Variants in EIF4G3 observed in about 807,000 individuals in gnomAD.
EIF4G3 encodes eIF-4-gamma 3.
In EIF4G3, 34 loss-of-function variants were observed where a neutral mutation model predicts 186.4. That is an observed-to-expected ratio of 0.18 (90% CI 0.14 to 0.24). EIF4G3 has a LOEUF of 0.24. Among genes scored for constraint, EIF4G3 ranks in the 10% least tolerant of loss-of-function variants. The pLI is 1.00. For missense variants in EIF4G3, 1,536 were observed against 1,948.5 expected (o/e 0.79, Z 3.99); for synonymous variants, 673 against 679.5 (o/e 0.99, Z 0.15).
intron 14 of EIF4G3, among the ~76,000 whole-genome samples, chr1:20,921,190 G>A (rs2094470996): frequency 6.6e-6 from 1 of 152,048 alleles, no homozygotes; most frequent in Admixed American, 6.5e-5. Flanking sequence ...TACCTATTTT[G>A]TGCAGAGAAC....
In EIF4G3 at chr1:21,107,486, T is replaced by C. The variant is rs1255725583; in HGVS notation, c.-271-18273A>G. Among the ~76,000 whole-genome samples, 6 of 152,262 alleles carry C rather than the reference T, an allele frequency of 3.9e-5. No homozygotes were observed. In the East Asian group the frequency reaches 1.2e-3, roughly 29 times the overall value. On this transcript the variant is annotated intron_variant, in intron 2 of 36. Transcript: ENST00000602326. ...CGGGCCCAACCTGAAAACTATCCAA[T>C]TTTTAAAAATAGCTTAGCATTTACA... is the stretch of plus-strand genomic sequence containing the variant.
intron 7 of EIF4G3, among the ~76,000 whole-genome samples, chr1:20,983,071 T>C (rs2078653558): frequency 6.6e-6 from 1 of 152,200 alleles, no homozygotes; most frequent in African/African-American, 2.4e-5. Flanking sequence ...TATTTTGTCC[T>C]ACTCTTAGGC....
chr1:20,959,152 T>C (rs1301784156), intron 12 of EIF4G3, among the ~76,000 whole-genome samples: 2 of 152,096 alleles, frequency 1.3e-5, no homozygotes, highest in Non-Finnish European at 2.9e-5. Flanking sequence ...TACAAGGTTA[T>C]AGTTAACAAA....
intron 34 of EIF4G3, among the ~76,000 whole-genome samples, chr1:20,815,289 G>GA (rs1177432801): frequency 1.9e-5 from 2 of 103,252 alleles, no homozygotes; most frequent in African/African-American, 7.0e-5. Flanking sequence ...GCCCAGTCTG[G>GA]AAAGTGAGGA....
At chr1:20,825,556 A>G (rs1053280561) in intron 32 of EIF4G3, among the ~76,000 whole-genome samples, 13 of 152,234 alleles carry the variant, frequency 8.5e-5, no homozygotes, top group African/African-American at 3.1e-4. Flanking sequence ...TAATTGAAGT[A>G]CAGCTGCTTA....
intron 2 of EIF4G3, among the ~76,000 whole-genome samples, chr1:21,124,277 C>A (rs1309684762): frequency 1.4e-5 from 2 of 140,542 alleles, no homozygotes; most frequent in Non-Finnish European, 1.6e-5. Context: ...AAGAGCGAGA[C>A]TCGGTCTCAA....
intron 12 of EIF4G3, among the ~76,000 whole-genome samples, chr1:20,958,677 A>G (rs185163048): frequency 6.6e-6 from 1 of 152,324 alleles, no homozygotes; most frequent in African/African-American, 2.4e-5. Flanking sequence ...AGACTCCTAG[A>G]TTTGATAAAT....
At chr1:21,071,341 G>A (rs1025705096) in intron 3 of EIF4G3, among the ~76,000 whole-genome samples, 8 of 152,054 alleles carry the variant, frequency 5.3e-5, no homozygotes, top group African/African-American at 1.9e-4. Flanking sequence ...GAGCCCAGGA[G>A]TTCAAAGTTA....
At chr1:20,911,399 C>CAAAAAATT (rs1553280990) in intron 14 of EIF4G3, among the ~76,000 whole-genome samples, 1 of 151,368 alleles carries the variant, frequency 6.6e-6, no homozygotes, top group Non-Finnish European at 1.5e-5. Context: ...GAGACCTCTA[C>CAAAAAATT]AAAAAATTAA....
At chr1:20,859,099 A>G (rs1313782523) in intron 24 of EIF4G3, among the ~76,000 whole-genome samples, 1 of 152,212 alleles carries the variant, frequency 6.6e-6, no homozygotes, top group African/African-American at 2.4e-5. Context: ...TCTCCGTGCT[A>G]TCTGATATTA....
chr1:21,023,909 C>T (rs2091464655), intron 4 of EIF4G3, among the ~76,000 whole-genome samples: 2 of 137,166 alleles, frequency 1.5e-5, no homozygotes, highest in Admixed American at 7.2e-5. Context: ...TCTGCCCCGC[C>T]GCCCCATCTG....
chr1:20,854,446 G>A (rs1157039639), intron 26 of EIF4G3, among the ~76,000 whole-genome samples: 3 of 151,304 alleles, frequency 2.0e-5, no homozygotes, highest in African/African-American at 7.3e-5. Context: ...TGTAATCCCA[G>A]CACGCAGGAG....
At chr1:21,155,124 A>G (rs2097623691) in intron 2 of EIF4G3, among the ~76,000 whole-genome samples, 1 of 151,882 alleles carries the variant, frequency 6.6e-6, no homozygotes, top group African/African-American at 2.4e-5. Context: ...CTACCTAGGC[A>G]TGGTGGCAGG....
intron 2 of EIF4G3, among the ~76,000 whole-genome samples, chr1:21,138,599 C>T (rs992171224): frequency 9.2e-5 from 14 of 152,210 alleles, no homozygotes; most frequent in African/African-American, 2.9e-4. Flanking sequence ...AGGTAGATCA[C>T]TTCAGGTCAG....
At chr1:21,004,087 A>G (rs1455330263) in intron 4 of EIF4G3, among the ~76,000 whole-genome samples, 1 of 152,212 alleles carries the variant, frequency 6.6e-6, no homozygotes, top group Non-Finnish European at 1.5e-5. Context: ...TGCTATTGCT[A>G]CGGTGTGCTT....
At chr1:20,815,675 C>T (rs1167057101) in intron 34 of EIF4G3, among the ~76,000 whole-genome samples, 4 of 146,780 alleles carry the variant, frequency 2.7e-5, no homozygotes, top group African/African-American at 1.0e-4. Context: ...CCCCGCCCGG[C>T]CAGCCGCCCC....
intron 14 of EIF4G3, among the ~76,000 whole-genome samples, chr1:20,909,641 GT>G (rs928546495): frequency 1.1e-4 from 17 of 151,452 alleles, no homozygotes; most frequent in African/African-American, 3.4e-4. Flanking sequence ...GTTTTATACT[GT>G]TTTTTTTGTT....
intron 30 of EIF4G3, among the ~76,000 whole-genome samples, chr1:20,839,118 C>T (rs985482881): frequency 2.6e-5 from 4 of 152,146 alleles, no homozygotes; most frequent in Non-Finnish European, 5.9e-5. Context: ...GCTGGGATTA[C>T]AGGTGCGTGC....
chr1:20,851,113 T>C lies in EIF4G3; in HGVS notation c.3772+145A>G, dbSNP rs140260467. 109 of 703,700 alleles carry C rather than the reference T, an allele frequency of 1.5e-4. 1 individual carries two copies. The highest frequency in any genetic ancestry group is 1.5e-3 in the African/African-American group (81 of 55,782). The allele number at this position is 703,700 out of a possible 1,614,324, so 43.6% of individuals were successfully genotyped here. On this transcript the variant is annotated intron_variant, in intron 28 of 36. Coordinates refer to ENST00000602326, the MANE Select transcript of EIF4G3 (RefSeq NM_001391906.1). ...TAGGGAATGAGAACTGTTATAAAAC[T>C]ATGAAGTACCCTTTAACTCTTCAGA...
Sources: gnomAD v4.1 joint callset for allele counts (sites outside exome capture counted in the v4.1 genomes callset) on GRCh38, gnomAD v4.1.1 for gene constraint, MANE v1.5 for transcripts, NCBI Gene and HGNC (gene_info 2026-07-23, HGNC 2026-07-21) for gene names.